Variants in TTLL11 observed in about 807,000 individuals in gnomAD.
The protein encoded by TTLL11 is tubulin polyglutamylase TTLL11.
TTLL11 carries 42 observed loss-of-function variants against 51.7 expected under a neutral mutation model. That is an observed-to-expected ratio of 0.81 (90% CI 0.64 to 1.05). The LOEUF is 1.05. Ranked by LOEUF, TTLL11 falls within the 50% of genes least tolerant of loss-of-function variation. The pLI is 0.00. For synonymous variants in TTLL11, 381 were observed against 383.5 expected (o/e 0.99, Z 0.08); for missense variants, 799 against 940.4 (o/e 0.85, Z 1.97).
intron 1 of TTLL11, among the ~76,000 whole-genome samples, chr9:122,067,495 C>T (rs1353486903): frequency 1.3e-5 from 2 of 152,240 alleles, no homozygotes; most frequent in South Asian, 2.1e-4. Flanking sequence ...GAAGAGGATA[C>T]AAAACTCTAT....
intron 1 of TTLL11, among the ~76,000 whole-genome samples, chr9:122,058,152 G>A (rs10125904): frequency 0.041 from 6,294 of 152,292 alleles, 156 homozygotes; most frequent in African/African-American, 0.067. Context: ...GTGTGGGCAC[G>A]GGACCATGAG....
chr9:121,857,962 C>A (rs1301114141), intron 8 of TTLL11, among the ~76,000 whole-genome samples: 1 of 152,096 alleles, frequency 6.6e-6, no homozygotes, highest in Non-Finnish European at 1.5e-5. Flanking sequence ...CTCATCTGGC[C>A]CCCTCCGTGG....
intron 3 of TTLL11, among the ~76,000 whole-genome samples, chr9:122,012,632 G>A (rs73662563): frequency 0.024 from 3,679 of 150,682 alleles, 138 homozygotes; most frequent in African/African-American, 0.086. Flanking sequence ...TATTGCACAG[G>A]ACTGTCTCTG....
intron 6 of TTLL11, among the ~76,000 whole-genome samples, chr9:121,907,126 C>T (rs1395211626): frequency 6.6e-6 from 1 of 152,092 alleles, no homozygotes; most frequent in African/African-American, 2.4e-5. Flanking sequence ...CATGTTCGTC[C>T]TCCTTTGTTC....
At chr9:121,909,510 G>C (rs141463695) in intron 6 of TTLL11, among the ~76,000 whole-genome samples, 1 of 152,250 alleles carries the variant, frequency 6.6e-6, no homozygotes, top group Non-Finnish European at 1.5e-5. Context: ...TTGTTCGCTA[G>C]AAGCAAGGAG....
chr9:121,952,444 CAAAAA>C (rs67882979), intron 6 of TTLL11, among the ~76,000 whole-genome samples: 1 of 121,908 alleles, frequency 8.2e-6, no homozygotes, highest in Non-Finnish European at 1.7e-5. Context: ...GACTCCGCCT[CAAAAA>C]AAAAAAAAAA....
intron 8 of TTLL11, among the ~76,000 whole-genome samples, chr9:121,835,713 C>T (rs770088870): frequency 1.6e-4 from 25 of 152,318 alleles, no homozygotes; most frequent in Admixed American, 7.2e-4. Context: ...CTGCTGGCCA[C>T]AGCAGAGTGG....
intron 3 of TTLL11, among the ~76,000 whole-genome samples, chr9:122,018,904 C>A (rs1423766187): frequency 6.6e-6 from 1 of 152,198 alleles, no homozygotes; most frequent in African/African-American, 2.4e-5. Flanking sequence ...TGTTTTACTG[C>A]TGAGAAAAGA....
At chr9:121,827,780 A>T (rs951757129) in intron 8 of TTLL11, among the ~76,000 whole-genome samples, 1 of 149,928 alleles carries the variant, frequency 6.7e-6, no homozygotes, top group Non-Finnish European at 1.5e-5. Context: ...GCTTCAGAGA[A>T]CGTAACCTTT....
chr9:121,858,608 G>A (rs943821040), intron 8 of TTLL11, among the ~76,000 whole-genome samples: 4 of 152,210 alleles, frequency 2.6e-5, no homozygotes, highest in Non-Finnish European at 5.9e-5. Flanking sequence ...GGAAGTTTCT[G>A]GCCCACATGG....
chr9:122,068,574 T>C (rs7875216), intron 1 of TTLL11, among the ~76,000 whole-genome samples: 65,282 of 152,036 alleles, frequency 0.43, 15,907 homozygotes, highest in African/African-American at 0.66. Flanking sequence ...TACCCCATCA[T>C]TCAGCTGAGG....
chr9:121,858,889 C>T (rs188180735), intron 8 of TTLL11, among the ~76,000 whole-genome samples: 1 of 152,334 alleles, frequency 6.6e-6, no homozygotes, highest in Admixed American at 6.5e-5. Context: ...GACTTCATGT[C>T]CTCTCCACAG....
At chr9:122,068,845 G>A (rs1845660531) in intron 1 of TTLL11, among the ~76,000 whole-genome samples, 1 of 152,144 alleles carries the variant, frequency 6.6e-6, no homozygotes, top group Admixed American at 6.5e-5. Flanking sequence ...GGACAGAAGT[G>A]ACATGCACCA....
At position 122,039,377 on chromosome 9, in the gene TTLL11, G is replaced by GA. The variant is rs1844783009; in HGVS notation, c.463-10dup. 3 of 1,608,054 alleles carry GA rather than the reference G, an allele frequency of 1.9e-6. No homozygotes were observed. Among genetic ancestry groups the GA allele is most frequent in the Non-Finnish European group, 2.6e-6 (3 of 1,175,424 alleles). ...CGCCGGCCAAATGGGAACTAGAAGA[G>GA]AAAAAATGTGACTCGCAATAAGAAT... On this transcript the variant is annotated splice_polypyrimidine_tract_variant and intron_variant, in intron 1 of 8. Transcript: ENST00000321582.
At chr9:121,971,133 C>T (rs1842544114) in intron 6 of TTLL11, among the ~76,000 whole-genome samples, 4 of 110,146 alleles carry the variant, frequency 3.6e-5, no homozygotes, top group East Asian at 3.3e-4. Context: ...GTCAGCCCCC[C>T]GCCCGGCCAG....
chr9:122,072,974 T>C (rs898264546), intron 1 of TTLL11, among the ~76,000 whole-genome samples: 1 of 152,130 alleles, frequency 6.6e-6, no homozygotes, highest in Non-Finnish European at 1.5e-5. Flanking sequence ...TAGAAAATGT[T>C]TGAGGAATGA....
Position 121,892,589 on chromosome 9 carries a change from T to C in TTLL11, c.1482-21841A>G, listed in dbSNP as rs563860253. 7.9e-5 allele frequency among the ~76,000 whole-genome samples: 12 copies of C among 152,296 alleles called. No individual in the cohort carries two copies. The South Asian group carries it at 1.7e-3, about 21-fold the overall frequency. On this transcript the variant is annotated intron_variant, in intron 6 of 8. Coordinates refer to ENST00000321582, the MANE Select transcript of TTLL11 (RefSeq NM_001139442.2). ...CACGTGGGAATTATGGGAGCTACAATTCAAGATGAGATTTGGGTGGGGACA... is the reference window on the plus strand; with the variant it reads ...CACGTGGGAATTATGGGAGCTACAACTCAAGATGAGATTTGGGTGGGGACA...
intron 1 of TTLL11, among the ~76,000 whole-genome samples, chr9:122,064,283 A>C (rs868458987): frequency 3.3e-5 from 5 of 152,350 alleles, no homozygotes; most frequent in Middle Eastern, 3.4e-3. Flanking sequence ...AGACAGTGAA[A>C]AACTTTCTTT....
chr9:121,983,135 A>G (rs1219100720), intron 4 of TTLL11, among the ~76,000 whole-genome samples: 1 of 152,186 alleles, frequency 6.6e-6, no homozygotes, highest in Non-Finnish European at 1.5e-5. Flanking sequence ...ATTTTAAAGG[A>G]TATTTGCAAG....
Sources: gnomAD v4.1 joint callset for allele counts (sites outside exome capture counted in the v4.1 genomes callset) on GRCh38, gnomAD v4.1.1 for gene constraint, MANE v1.5 for transcripts, NCBI Gene and HGNC (gene_info 2026-07-23, HGNC 2026-07-21) for gene names.